CYB5R3: variants seen among roughly 807,000 people sequenced by gnomAD.
The protein encoded by CYB5R3 is NADH-cytochrome b5 reductase 3.
In CYB5R3, 28 loss-of-function variants were observed where a neutral mutation model predicts 36.5. That is an observed-to-expected ratio of 0.77 (90% CI 0.57 to 1.05). The LOEUF is 1.05. Among genes scored for constraint, CYB5R3 ranks in the 50% least tolerant of loss-of-function variants. The pLI is 0.00. For missense variants in CYB5R3, 474 were observed against 408.9 expected, an observed-to-expected ratio of 1.16 and a Z score of -1.37; for synonymous variants, 181 against 159.8, an observed-to-expected ratio of 1.13 and a Z score of -1.00.
chr22:42,626,153 A>G (rs1928256270), intron 7 of CYB5R3, among the ~76,000 whole-genome samples: 1 of 152,156 alleles, frequency 6.6e-6, no homozygotes, highest in African/African-American at 2.4e-5. Flanking sequence ...TACTAAAAAT[A>G]TAAAAATTAG....
At chr22:42,642,902 C>T (rs931782591) in intron 1 of CYB5R3, among the ~76,000 whole-genome samples, 20 of 152,214 alleles carry the variant, frequency 1.3e-4, no homozygotes, top group African/African-American at 4.8e-4. Context: ...TTGTAGTTCT[C>T]CCAGCAAATG....
chr22:42,635,103 G>A (rs1569322991), intron 2 of CYB5R3, among the ~76,000 whole-genome samples: 1 of 152,064 alleles, frequency 6.6e-6, no homozygotes, highest in Non-Finnish European at 1.5e-5. Flanking sequence ...GCCAGCGGCT[G>A]GGACTACAGG....
chr22:42,641,005 C>T lies in CYB5R3; in HGVS notation c.22-4159G>A, dbSNP rs112689077. On this transcript the variant is annotated intron_variant, in intron 1 of 8. Transcript: ENST00000352397. Reference sequence around the variant, plus strand: ...CCGAGTAGCTGGGATCACAGGCGCACGTCACCACTCCTGGCTCATTTTTGT... The same window carrying T: ...CCGAGTAGCTGGGATCACAGGCGCATGTCACCACTCCTGGCTCATTTTTGT... Among the ~76,000 whole-genome samples the T allele has an allele frequency of 6.8e-4, 104 of 151,974 alleles. 1 individual carries two copies. The highest frequency in any genetic ancestry group is 2.4e-3 in the African/African-American group (99 of 41,462).
chr22:42,643,706 G>C (rs1471977487), intron 1 of CYB5R3, among the ~76,000 whole-genome samples: 1 of 152,104 alleles, frequency 6.6e-6, no homozygotes, highest in South Asian at 2.1e-4. Context: ...AATCAGCATG[G>C]CCCAGGTGTT....
At chr22:42,633,157 G>A (rs1365849709) in intron 2 of CYB5R3, 3 of 152,378 alleles carry the variant, frequency 2.0e-5, no homozygotes, top group African/African-American at 7.2e-5. Flanking sequence ...AAGCCACCAT[G>A]GGCACAATGA....
At chr22:42,634,197 C>CAAA (rs35470695) in intron 2 of CYB5R3, among the ~76,000 whole-genome samples, 6 of 135,406 alleles carry the variant, frequency 4.4e-5, no homozygotes, top group African/African-American at 1.3e-4. Context: ...ACTAAAAATA[C>CAAA]AAAAAAAAAA....
Position 42,619,949 on chromosome 22 carries a change from T to G in CYB5R3, c.734-4A>C, listed in dbSNP as rs1300260764. The G allele has an allele frequency of 6.3e-7, 1 of 1,593,666 alleles. No individual in the cohort carries two copies. Among genetic ancestry groups the G allele is most frequent in the East Asian group, 2.3e-5 (1 of 43,860 alleles). On this transcript the variant is annotated splice_region_variant and splice_polypyrimidine_tract_variant and intron_variant, in intron 8 of 8. Transcript: ENST00000352397. ...AAGCCCTGGCCGTAGTCCCAGGCTG[T>G]GGGGTGAGAGACCAGGTAAGCTGAC...
Position 42,619,505 on chromosome 22 carries a change from T to C in CYB5R3, c.*268A>G, listed in dbSNP as rs369177997. The C allele has an allele frequency of 9.4e-4, 504 of 535,400 alleles. 10 individuals carry two copies. Among genetic ancestry groups the C allele is most frequent in the South Asian group, 9.3e-3 (430 of 46,020 alleles). 33.2% of individuals were successfully genotyped at this position (535,400 alleles called of 1,614,324 possible). ...TGTGTGGGGGGTGGACGAGGGGTCATGAGGACAGGGATGGGGCTGGGCGTC... is the reference window on the plus strand; with the variant it reads ...TGTGTGGGGGGTGGACGAGGGGTCACGAGGACAGGGATGGGGCTGGGCGTC... On this transcript the variant is annotated 3_prime_UTR_variant, in exon 9 of 9. Coordinates refer to ENST00000352397, the MANE Select transcript of CYB5R3 (RefSeq NM_000398.7).
At chr22:42,643,553 C>T (rs1929392045) in intron 1 of CYB5R3, among the ~76,000 whole-genome samples, 1 of 151,668 alleles carries the variant, frequency 6.6e-6, no homozygotes, top group African/African-American at 2.4e-5. Context: ...GGCAGGGCCT[C>T]CATGCTGGGT....
chr22:42,643,842 A>C (rs978670887), intron 1 of CYB5R3, among the ~76,000 whole-genome samples: 1 of 152,060 alleles, frequency 6.6e-6, no homozygotes, highest in African/African-American at 2.4e-5. Flanking sequence ...CCCTACCTGG[A>C]GGATGGGGAG....
intron 1 of CYB5R3, among the ~76,000 whole-genome samples, chr22:42,637,479 A>G (rs1055283412): frequency 6.6e-6 from 1 of 152,136 alleles, no homozygotes; most frequent in Non-Finnish European, 1.5e-5. Flanking sequence ...CCCAAATGAC[A>G]TCCATGAGTG....
At chr22:42,627,535 C>T (rs759982389) in intron 6 of CYB5R3, 70 bp downstream of exon 6, 108 of 1,508,452 alleles carry the variant, frequency 7.2e-5, no homozygotes, top group African/African-American at 8.2e-5. Flanking sequence ...TCAGAACCTG[C>T]GCCTCACCCA....
At chr22:42,645,168 C>A (rs929496269) in intron 1 of CYB5R3, among the ~76,000 whole-genome samples, 1 of 152,138 alleles carries the variant, frequency 6.6e-6, no homozygotes, top group African/African-American at 2.4e-5. Context: ...CCCAGGCTGC[C>A]GGCTCCCCAC....
intron 1 of CYB5R3, among the ~76,000 whole-genome samples, chr22:42,647,631 A>C (rs1379068867): frequency 7.3e-6 from 1 of 137,226 alleles, no homozygotes; most frequent in African/African-American, 2.7e-5. Context: ...AGGCAGGAGA[A>C]TTGCTGGAGC....
Position 42,636,839 on chromosome 22 carries a change from T to A in CYB5R3, c.29A>T (p.His10Leu). Residue 10 changes from histidine (H) to leucine (L), a missense_variant, in exon 2 of 9, where the codon CAT (histidine) becomes CTT (leucine). Physicochemically the swap from His to Leu is moderately conservative, Grantham distance 99. Transcript: ENST00000352397. ...GAACCAGACTGGGAAGAGCACCATA[T>A]GGCCCAACTGAAACGACAGGACCCG... The part of the protein sequence containing the change: MGAQLSTLG[H>L]MVLFPVWFLY... The A allele has an allele frequency of 6.2e-7, 1 of 1,613,532 alleles. No homozygotes were observed. Among genetic ancestry groups the A allele is most frequent in the Non-Finnish European group, 8.5e-7 (1 of 1,179,918 alleles).
intron 1 of CYB5R3, chr22:42,639,034 CA>C (rs35810100): frequency 0.12 from 33,280 of 279,442 alleles, no homozygotes; most frequent in South Asian, 0.19. Flanking sequence ...AACTCCATCT[CA>C]AAAAAAAAAA....
chr22:42,627,410 C>A, intron 6 of CYB5R3, 21 bp from the exon 7 acceptor site: 2 of 1,611,744 alleles, frequency 1.2e-6, no homozygotes, highest in Non-Finnish European at 8.5e-7. Flanking sequence ...GCCGGCCGGG[C>A]CTCGCACGTG....
chr22:42,620,002 G>A (rs1211082893), intron 8 of CYB5R3, 57 bp from the exon 9 acceptor site: 9 of 1,498,794 alleles, frequency 6.0e-6, no homozygotes, highest in Non-Finnish European at 7.3e-6. Flanking sequence ...CCAACCTGCT[G>A]ACCGACCAAC....
chr22:42,640,270 G>A (rs1053445154), intron 1 of CYB5R3: 2 of 1,559,102 alleles, frequency 1.3e-6, no homozygotes, highest in African/African-American at 2.7e-5. Context: ...GACAAATGGA[G>A]CCATGGTTCT....
Sources: gnomAD v4.1 joint callset for allele counts (sites outside exome capture counted in the v4.1 genomes callset) on GRCh38, gnomAD v4.1.1 for gene constraint, MANE v1.5 for transcripts, NCBI Gene and HGNC (gene_info 2026-07-23, HGNC 2026-07-21) for gene names.